PAG1: variants seen among roughly 807,000 people sequenced by gnomAD.
PAG1 encodes phosphoprotein associated with glycosphingolipid-enriched microdomains 1.
Under a neutral mutation model 31.7 loss-of-function variants are expected in PAG1, and 23 were observed. That is an observed-to-expected ratio of 0.73 (90% CI 0.52 to 1.03). PAG1 has a LOEUF of 1.03. Ranked by LOEUF, PAG1 falls within the 50% of genes least tolerant of loss-of-function variation. The pLI, the probability that PAG1 is intolerant of heterozygous loss-of-function variation, is 0.00. For synonymous variants in PAG1, 214 were observed against 210.3 expected (o/e 1.02, Z -0.15); for missense variants, 473 against 540.7 (o/e 0.87, Z 1.24).
intron 2 of PAG1, among the ~76,000 whole-genome samples, chr8:81,044,081 C>T (rs1386769717): frequency 2.0e-5 from 3 of 152,212 alleles, no homozygotes; most frequent in Non-Finnish European, 4.4e-5. Context: ...CTTTTGCATT[C>T]ATCCTCCACA....
At chr8:81,017,608 CTTTCT>C (rs539150824) in intron 3 of PAG1, among the ~76,000 whole-genome samples, 101 of 152,314 alleles carry the variant, frequency 6.6e-4, no homozygotes, top group African/African-American at 1.4e-3. Flanking sequence ...TGGTAAGTTT[CTTTCT>C]TTTTGAAAAT....
rs1807085840 is a variant in PAG1 at position 80,971,916 on chromosome 8, C to T, written c.*4628G>A. ...AATTTGGTAATTCCAGATAAAGATT[C>T]TAATTTATCATGGTTTCTGGACTGA... is the stretch of plus-strand genomic sequence containing the variant. On this transcript the variant is annotated 3_prime_UTR_variant, in exon 9 of 9. Coordinates refer to ENST00000220597, the MANE Select transcript of PAG1 (RefSeq NM_018440.4). 6.6e-6 allele frequency: 1 copy of T among 152,168 alleles called. No individual in the cohort carries two copies. Among genetic ancestry groups the T allele is most frequent in the Admixed American group, 6.5e-5 (1 of 15,288 alleles). 9.4% of individuals were successfully genotyped at this position (152,168 alleles called of 1,614,324 possible). A position where few individuals can be genotyped will look rare whatever the true frequency, so the allele number is the denominator to read the frequency against.
At position 81,111,927 on chromosome 8, in the gene PAG1, C is replaced by T. The variant is rs1397923702; in HGVS notation, c.-570G>A. On this transcript the variant is annotated 5_prime_UTR_variant, in exon 1 of 9. Transcript: ENST00000220597. ...AAGGGAATCACGGCTCAATTAGGGA[C>T]CTGCCAGGAGAAAAACCGATGCGCT... The T allele has an allele frequency of 1.3e-5, 2 of 152,176 alleles. No individual in the cohort carries two copies. The highest frequency in any genetic ancestry group is 6.5e-5 in the Admixed American group (1 of 15,288). 9.4% of individuals were successfully genotyped at this position (152,176 alleles called of 1,614,324 possible). A position where few individuals can be genotyped will look rare whatever the true frequency, so the allele number is the denominator to read the frequency against.
At chr8:81,066,645 C>A (rs1181891853) in intron 2 of PAG1, among the ~76,000 whole-genome samples, 1 of 152,084 alleles carries the variant, frequency 6.6e-6, no homozygotes, top group Non-Finnish European at 1.5e-5. Flanking sequence ...AATTGGCAGG[C>A]AAATACTTGC....
chr8:81,076,654 A>G (rs1229255497), intron 1 of PAG1, among the ~76,000 whole-genome samples: 1 of 152,218 alleles, frequency 6.6e-6, no homozygotes, highest in African/African-American at 2.4e-5. Flanking sequence ...TGTAAAAATT[A>G]TAGGGCAACT....
At chr8:81,108,066 A>C (rs1042278425) in intron 1 of PAG1, among the ~76,000 whole-genome samples, 5 of 152,252 alleles carry the variant, frequency 3.3e-5, no homozygotes, top group African/African-American at 4.8e-5. Context: ...TAAAAGTGAC[A>C]CAGATAAGCC....
chr8:81,107,870 A>G (rs558048656), intron 1 of PAG1, among the ~76,000 whole-genome samples: 22 of 152,328 alleles, frequency 1.4e-4, no homozygotes, highest in African/African-American at 5.3e-4. Flanking sequence ...TGTGCCTCTC[A>G]CAATGCATGA....
intron 1 of PAG1, among the ~76,000 whole-genome samples, chr8:81,082,969 T>TA (rs1429595490): frequency 1.3e-5 from 2 of 152,166 alleles, no homozygotes; most frequent in African/African-American, 4.8e-5. Context: ...ACAAGTGATT[T>TA]TTTTTTTCAT....
At chr8:81,079,114 T>C (rs4515498) in intron 1 of PAG1, among the ~76,000 whole-genome samples, 95,210 of 151,802 alleles carry the variant, frequency 0.63, 31,304 homozygotes, top group African/African-American at 0.82. Flanking sequence ...CAACCAGAGG[T>C]CAGACAGAAA....
At chr8:80,997,777 T>C (rs577363724) in intron 3 of PAG1, among the ~76,000 whole-genome samples, 5 of 152,348 alleles carry the variant, frequency 3.3e-5, no homozygotes, top group South Asian at 4.1e-4. Flanking sequence ...CTGTTTGCTA[T>C]AAAATAGGCT....
chr8:81,010,555 T>C (rs1807963840), intron 3 of PAG1, among the ~76,000 whole-genome samples: 1 of 152,230 alleles, frequency 6.6e-6, no homozygotes, highest in Non-Finnish European at 1.5e-5. Flanking sequence ...TTTTTAAGCG[T>C]ATGTCAAAGC....
intron 1 of PAG1, among the ~76,000 whole-genome samples, chr8:81,108,078 C>T (rs906373354): frequency 2.0e-5 from 3 of 152,106 alleles, no homozygotes; most frequent in African/African-American, 7.2e-5. Flanking sequence ...AGATAAGCCA[C>T]TAAATAGATA....
intron 2 of PAG1, among the ~76,000 whole-genome samples, chr8:81,051,388 T>A (rs1181610357): frequency 6.6e-6 from 1 of 152,224 alleles, no homozygotes; most frequent in Non-Finnish European, 1.5e-5. Flanking sequence ...ACTTAGGTAT[T>A]TCTCTATTTG....
chr8:80,979,037 C>T (rs1807241950), intron 8 of PAG1, among the ~76,000 whole-genome samples: 1 of 152,172 alleles, frequency 6.6e-6, no homozygotes, highest in Non-Finnish European at 1.5e-5. Context: ...TCAGTCTGGA[C>T]TGTTTAACAT....
intron 1 of PAG1, among the ~76,000 whole-genome samples, chr8:81,104,028 T>C (rs78486878): frequency 0.04 from 6,107 of 152,292 alleles, 156 homozygotes; most frequent in South Asian, 0.07. Context: ...GAAAATTCCA[T>C]GCGCTTCTTG....
chr8:81,062,057 A>G (rs957053780), intron 2 of PAG1, among the ~76,000 whole-genome samples: 1 of 152,202 alleles, frequency 6.6e-6, no homozygotes, highest in Non-Finnish European at 1.5e-5. Context: ...AAACAAAGCA[A>G]TTTAAAATGA....
At chr8:81,009,654 C>T (rs1427262011) in intron 3 of PAG1, among the ~76,000 whole-genome samples, 1 of 152,104 alleles carries the variant, frequency 6.6e-6, no homozygotes, top group African/African-American at 2.4e-5. Context: ...TCTCTGTCAC[C>T]CTTGCTGGAG....
chr8:81,044,905 AC>A (rs34523559), intron 2 of PAG1, among the ~76,000 whole-genome samples: 24 of 151,080 alleles, frequency 1.6e-4, no homozygotes, highest in South Asian at 8.4e-4. Flanking sequence ...TGTTTCTGGC[AC>A]CCCCCTCCCC....
chr8:81,060,648 G>C (rs11985427), intron 2 of PAG1, among the ~76,000 whole-genome samples: 3,842 of 152,250 alleles, frequency 0.025, 163 homozygotes, highest in African/African-American at 0.086. Flanking sequence ...CCTTTGCTCT[G>C]TTAATGGCCA....
Sources: allele counts gnomAD v4.1 joint callset (sites outside exome capture counted in the v4.1 genomes callset), GRCh38; gene constraint gnomAD v4.1.1; transcripts MANE v1.5; gene names NCBI Gene and HGNC (gene_info 2026-07-23, HGNC 2026-07-21).